The following TNFAIP8 variants were observed in gnomAD, a reference collection of about 807,000 sequenced individuals.
TNFAIP8 encodes tumor necrosis factor alpha-induced protein 8.
Under a neutral mutation model 13.3 loss-of-function variants are expected in TNFAIP8, and 7 were observed. The observed-to-expected ratio is 0.52, with a 90% CI of 0.30 to 0.99. The LOEUF (loss-of-function observed/expected upper bound fraction) is 0.99, where lower values mean the gene tolerates loss of function less well. Among genes scored for constraint, TNFAIP8 ranks in the 50% least tolerant of loss-of-function variants. The pLI, the probability that TNFAIP8 is intolerant of heterozygous loss-of-function variation, is 0.07. For synonymous variants in TNFAIP8, 94 were observed against 87.6 expected (o/e 1.07, Z -0.41); for missense variants, 258 against 236.9 (o/e 1.09, Z -0.58).
At chr5:119,299,483 A>C (rs1431814155) in intron 1 of TNFAIP8, among the ~76,000 whole-genome samples, 1 of 152,112 alleles carries the variant, frequency 6.6e-6, no homozygotes, top group Non-Finnish European at 1.5e-5. Flanking sequence ...GTCTCAGAGG[A>C]GTACCCGGCC....
intron 1 of TNFAIP8, among the ~76,000 whole-genome samples, chr5:119,293,709 GA>G (rs1345123334): frequency 1.3e-5 from 2 of 152,094 alleles, no homozygotes; most frequent in African/African-American, 4.8e-5. Context: ...AGGCTATGGG[GA>G]AAAATGGTAA....
chr5:119,385,838 G>C (rs1185086803), intron 1 of TNFAIP8, among the ~76,000 whole-genome samples: 3 of 152,188 alleles, frequency 2.0e-5, no homozygotes, highest in African/African-American at 7.2e-5. Flanking sequence ...AATTTGTTGT[G>C]TTCTTTAACC....
intron 1 of TNFAIP8, among the ~76,000 whole-genome samples, chr5:119,390,528 T>G (rs1752850713): frequency 6.6e-6 from 1 of 152,248 alleles, no homozygotes. Context: ...TGGAAACTTC[T>G]CCATAAAGTT....
intron 1 of TNFAIP8, among the ~76,000 whole-genome samples, chr5:119,363,145 A>G (rs1751697480): frequency 1.3e-5 from 2 of 152,230 alleles, no homozygotes; most frequent in Non-Finnish European, 1.5e-5. Flanking sequence ...CAAGGAGAGC[A>G]TGGGGCCTTG....
chr5:119,374,510 G>A (rs1233501559), intron 1 of TNFAIP8, among the ~76,000 whole-genome samples: 1 of 152,202 alleles, frequency 6.6e-6, no homozygotes, highest in African/African-American at 2.4e-5. Flanking sequence ...TTGAGAGAAA[G>A]GTGAGTAAGA....
chr5:119,321,444 T>C (rs1750053016), intron 1 of TNFAIP8, among the ~76,000 whole-genome samples: 1 of 152,308 alleles, frequency 6.6e-6, no homozygotes, highest in Non-Finnish European at 1.5e-5. Context: ...AACACATTTT[T>C]CCCAAACTCC....
upstream of TNFAIP8, among the ~76,000 whole-genome samples, chr5:119,351,153 G>T (rs1254429450): frequency 6.6e-6 from 1 of 151,288 alleles, no homozygotes; most frequent in African/African-American, 2.4e-5. Flanking sequence ...CTCCCAAGTG[G>T]CTAGGACTAC....
intron 1 of TNFAIP8, among the ~76,000 whole-genome samples, chr5:119,271,703 A>G (rs1748297682): frequency 6.6e-6 from 1 of 152,170 alleles, no homozygotes; most frequent in Non-Finnish European, 1.5e-5. Context: ...AAAGTGGACA[A>G]TTTTCCCTGC....
intron 1 of TNFAIP8, among the ~76,000 whole-genome samples, chr5:119,370,822 A>G (rs1321084509): frequency 6.6e-6 from 1 of 152,238 alleles, no homozygotes; most frequent in Non-Finnish European, 1.5e-5. Flanking sequence ...TAACCCGTTG[A>G]TACTTTATTA....
chr5:119,290,169 G>T (rs1437638319), intron 1 of TNFAIP8, among the ~76,000 whole-genome samples: 1 of 127,716 alleles, frequency 7.8e-6, no homozygotes, highest in East Asian at 1.9e-4. Context: ...TGTAGTAGTT[G>T]TCTGTTGCTG....
At chr5:119,389,468 C>G (rs1752811645) in intron 1 of TNFAIP8, among the ~76,000 whole-genome samples, 1 of 152,126 alleles carries the variant, frequency 6.6e-6, no homozygotes, top group Non-Finnish European at 1.5e-5. Context: ...CTGAGATACA[C>G]CAGACTTTTA....
At chr5:119,294,587 T>A (rs1458187353) in intron 1 of TNFAIP8, among the ~76,000 whole-genome samples, 1 of 152,154 alleles carries the variant, frequency 6.6e-6, no homozygotes, top group Non-Finnish European at 1.5e-5. Context: ...GGTCAAATGG[T>A]ATTTCTAGAT....
intron 1 of TNFAIP8, among the ~76,000 whole-genome samples, chr5:119,317,137 C>T (rs1033580550): frequency 1.3e-5 from 2 of 152,190 alleles, no homozygotes; most frequent in East Asian, 1.9e-4. Flanking sequence ...GCCTCTTCTG[C>T]GTCTGCCATC....
chr5:119,323,100 A>C (rs1750113930), intron 1 of TNFAIP8, among the ~76,000 whole-genome samples: 1 of 152,158 alleles, frequency 6.6e-6, no homozygotes, highest in African/African-American at 2.4e-5. Context: ...GTCACTGTGC[A>C]CTGCCACCAA....
At chr5:119,316,079 A>C (rs1211886773) in intron 1 of TNFAIP8, 2 of 151,736 alleles carry the variant, frequency 1.3e-5, no homozygotes, top group African/African-American at 4.8e-5. Flanking sequence ...ATAAATTTTT[A>C]TGCACTAGTT....
At chr5:119,313,688 T>A (rs1292496966) in intron 1 of TNFAIP8, among the ~76,000 whole-genome samples, 1 of 152,248 alleles carries the variant, frequency 6.6e-6, no homozygotes, top group Non-Finnish European at 1.5e-5. Context: ...GTGCTTATTT[T>A]AAATTCTGGG....
intron 1 of TNFAIP8, among the ~76,000 whole-genome samples, chr5:119,291,604 G>A (rs914119427): frequency 1.3e-5 from 2 of 152,228 alleles, no homozygotes; most frequent in African/African-American, 4.8e-5. Context: ...AGTGCAGGAA[G>A]GGCTGCTTTC....
intron 1 of TNFAIP8, among the ~76,000 whole-genome samples, chr5:119,346,081 A>T (rs1246550785): frequency 6.6e-6 from 1 of 152,110 alleles, no homozygotes; most frequent in Non-Finnish European, 1.5e-5. Context: ...CTTGCTGGAG[A>T]GGTCATGGCC....
At chr5:119,387,471 G>A (rs1313995749) in intron 1 of TNFAIP8, among the ~76,000 whole-genome samples, 1 of 152,104 alleles carries the variant, frequency 6.6e-6, no homozygotes, top group African/African-American at 2.4e-5. Flanking sequence ...TAATAGATTT[G>A]AGGGGAAAAA....
Sources: gnomAD v4.1 joint callset for allele counts (sites outside exome capture counted in the v4.1 genomes callset) on GRCh38, gnomAD v4.1.1 for gene constraint, MANE v1.5 for transcripts, NCBI Gene and HGNC (gene_info 2026-07-23, HGNC 2026-07-21) for gene names.